RNF144A: variants seen among roughly 807,000 people sequenced by gnomAD.
The protein encoded by RNF144A is ring finger protein 144A, also known as E3 ubiquitin-protein ligase RNF144A.
In RNF144A, 11 loss-of-function variants were observed where a neutral mutation model predicts 38.7. The observed-to-expected ratio is 0.28, with a 90% CI of 0.18 to 0.47. The LOEUF (loss-of-function observed/expected upper bound fraction) is 0.47. Among genes scored for constraint, RNF144A ranks in the 20% least tolerant of loss-of-function variants. RNF144A has a pLI of 0.99. For synonymous variants in RNF144A, 149 were observed against 143.9 expected, an observed-to-expected ratio of 1.04 and a Z score of -0.25; for missense variants, 316 against 377.2, an observed-to-expected ratio of 0.84 and a Z score of 1.34.
intron 7 of RNF144A, among the ~76,000 whole-genome samples, chr2:7,026,541 A>C (rs1190575387): frequency 6.7e-6 from 1 of 149,566 alleles, no homozygotes; most frequent in Non-Finnish European, 1.5e-5. Context: ...ATTATGATAT[A>C]ATATCTAATA....
chr2:6,994,965 C>T (rs556697286), intron 2 of RNF144A, among the ~76,000 whole-genome samples: 4 of 152,288 alleles, frequency 2.6e-5, no homozygotes, highest in East Asian at 3.9e-4. Flanking sequence ...TCATGTCCTT[C>T]GTCATGTGTC....
At chr2:7,064,158 A>G (rs1269048620) in intron 6 of RNF144A, among the ~76,000 whole-genome samples, 2 of 152,092 alleles carry the variant, frequency 1.3e-5, no homozygotes, top group East Asian at 3.9e-4. Flanking sequence ...AAGCACCTCT[A>G]ATTAGGCCCC....
At chr2:6,969,262 G>A (rs368896657) in intron 2 of RNF144A, among the ~76,000 whole-genome samples, 3 of 152,286 alleles carry the variant, frequency 2.0e-5, no homozygotes, top group Middle Eastern at 3.4e-3. Context: ...CTTATTTGGA[G>A]GGAGGGCCTT....
chr2:6,966,674 T>C (rs950330906), intron 2 of RNF144A, among the ~76,000 whole-genome samples: 3 of 152,306 alleles, frequency 2.0e-5, no homozygotes, highest in East Asian at 1.9e-4. Flanking sequence ...AATATTGGCA[T>C]GAGAAGGGGA....
chr2:7,024,194 AT>A (rs36030922), intron 6 of RNF144A, among the ~76,000 whole-genome samples, 174 bp from the exon 7 acceptor site: 48,431 of 150,156 alleles, frequency 0.32, 8,689 homozygotes, highest in Middle Eastern at 0.41. Flanking sequence ...GTTCTGGTTA[AT>A]TTTTTTTTTC....
intron 2 of RNF144A, among the ~76,000 whole-genome samples, chr2:6,968,594 G>T (rs553680901): frequency 8.5e-5 from 13 of 152,286 alleles, no homozygotes; most frequent in Admixed American, 7.2e-4. Flanking sequence ...TCCCCCTACT[G>T]GGATCAGTCT....
chr2:6,993,041 T>C (rs1226308481), intron 2 of RNF144A, among the ~76,000 whole-genome samples: 1 of 152,258 alleles, frequency 6.6e-6, no homozygotes, highest in Non-Finnish European at 1.5e-5. Context: ...TAGCATAATC[T>C]GATTGCAAGT....
At chr2:7,063,307 C>A (rs923818116) in intron 6 of RNF144A, among the ~76,000 whole-genome samples, 2 of 152,110 alleles carry the variant, frequency 1.3e-5, no homozygotes, top group African/African-American at 4.8e-5. Flanking sequence ...GAGAAATAAG[C>A]AGCTCTCTGG....
rs1217964554 is a variant in RNF144A at position 6,917,860 on chromosome 2, C to G, written c.-212+238C>G. ...GCCCTGCCCGTGTCCCTGACCTCGT[C>G]CCTGCTCTGCTCCTGCCCTGCCCTG... On this transcript the variant is annotated intron_variant, in intron 1 of 8. Transcript: ENST00000320892. The surrounding 1 kb of genome is among the most constrained non-coding windows in gnomAD (Gnocchi z 4.8). Among the ~76,000 whole-genome samples, 3 of 151,284 alleles carry G rather than the reference C, an allele frequency of 2.0e-5. No homozygotes were observed. Among genetic ancestry groups the G allele is most frequent in the Middle Eastern group, 3.4e-3 (1 of 292 alleles).
At chr2:6,924,072 A>G (rs1664712552) in intron 1 of RNF144A, among the ~76,000 whole-genome samples, 1 of 152,246 alleles carries the variant, frequency 6.6e-6, no homozygotes, top group South Asian at 2.1e-4. Context: ...GTATTCCATC[A>G]TGATCCGAGT....
intron 1 of RNF144A, among the ~76,000 whole-genome samples, chr2:6,931,927 C>G (rs565898067): frequency 2.6e-5 from 4 of 152,146 alleles, no homozygotes; most frequent in Non-Finnish European, 5.9e-5. Context: ...TCAAGTAGAT[C>G]GAGTTGATTG....
chr2:6,933,890 A>G (rs1386789307), intron 1 of RNF144A, among the ~76,000 whole-genome samples: 7 of 152,104 alleles, frequency 4.6e-5, no homozygotes, highest in Non-Finnish European at 7.4e-5. Context: ...CTTTTCTTCT[A>G]TTGATGGGTT....
At chr2:7,066,225 C>A (rs1038140051) in intron 6 of RNF144A, among the ~76,000 whole-genome samples, 1 of 152,032 alleles carries the variant, frequency 6.6e-6, no homozygotes, top group African/African-American at 2.4e-5. Flanking sequence ...GTAGCTGGGA[C>A]TACAGGCGCC....
At chr2:7,050,542 G>T (rs1400980387) in intron 6 of RNF144A, among the ~76,000 whole-genome samples, 1 of 152,118 alleles carries the variant, frequency 6.6e-6, no homozygotes, top group African/African-American at 2.4e-5. Flanking sequence ...AGTATCTTCT[G>T]CTCCCAGCCT....
At chr2:6,929,080 C>T (rs1179110919) in intron 1 of RNF144A, among the ~76,000 whole-genome samples, 2 of 152,044 alleles carry the variant, frequency 1.3e-5, no homozygotes, top group African/African-American at 4.8e-5. Context: ...CAAGTATTAG[C>T]TCTAGAGTAT....
chr2:7,064,735 A>G (rs925519509), intron 6 of RNF144A, among the ~76,000 whole-genome samples: 12 of 152,234 alleles, frequency 7.9e-5, no homozygotes, highest in Admixed American at 7.2e-4. Context: ...GTCCAGAGGT[A>G]GGGAAGGATA....
In RNF144A at chr2:7,039,762, G is replaced by T. The variant is rs1387671986; in HGVS notation, c.*2G>T. ...GACGACGACCCGTTACCCACCTAGA[G>T]GAAGCGCGATGCTGGAACACATCCC... is the stretch of plus-strand genomic sequence containing the variant. On this transcript the variant is annotated 3_prime_UTR_variant, in exon 9 of 9. Coordinates refer to ENST00000320892, the MANE Select transcript of RNF144A (RefSeq NM_014746.6). 6.2e-7 allele frequency: 1 copy of T among 1,612,878 alleles called. No homozygotes were observed. Among genetic ancestry groups the T allele is most frequent in the East Asian group, 2.2e-5 (1 of 44,872 alleles).
At chr2:6,930,803 G>A (rs891942648) in intron 1 of RNF144A, among the ~76,000 whole-genome samples, 1 of 151,842 alleles carries the variant, frequency 6.6e-6, no homozygotes, top group Non-Finnish European at 1.5e-5. Context: ...CATGTTGCCC[G>A]GGCTGGTCTT....
chr2:7,050,353 G>T (rs563215959), intron 6 of RNF144A, among the ~76,000 whole-genome samples: 2 of 152,168 alleles, frequency 1.3e-5, no homozygotes, highest in Non-Finnish European at 2.9e-5. Context: ...ACATGACTTT[G>T]CTCCTCCTTC....
Sources: gnomAD v4.1 joint callset for allele counts (sites outside exome capture counted in the v4.1 genomes callset) on GRCh38, gnomAD v4.1.1 for gene constraint, Gnocchi (gnomAD v3.1) non-coding constraint, MANE v1.5 for transcripts, NCBI Gene and HGNC (gene_info 2026-07-23, HGNC 2026-07-21) for gene names.